The following RPS6KC1 variants were observed in gnomAD, a reference collection of about 807,000 sequenced individuals.
The protein encoded by RPS6KC1 is ribosomal protein S6 kinase C1.
A neutral mutation model predicts 103.8 loss-of-function variants in RPS6KC1; 54 were observed. The observed-to-expected ratio is 0.52, with a 90% confidence interval of 0.42 to 0.65. The LOEUF (loss-of-function observed/expected upper bound fraction) is 0.65, where lower values mean the gene tolerates loss of function less well. RPS6KC1 is among the 30% of genes least tolerant of loss of function. The pLI is 0.00. For missense variants in RPS6KC1, 1,151 were observed against 1,253.8 expected (o/e 0.92, Z 1.24); for synonymous variants, 439 against 438.7 (o/e 1.00, Z -0.01).
the RPS6KC1 span, among the ~76,000 whole-genome samples, chr1:213,838,047 G>A: frequency 7.9e-5 from 12 of 151,906 alleles, no homozygotes; most frequent in African/African-American, 2.9e-4. Context: ...CAAATGACAG[G>A]AACCTCTACT....
At chr1:213,754,272 C>G in the RPS6KC1 span, among the ~76,000 whole-genome samples, 1 of 152,210 alleles carries the variant, frequency 6.6e-6, no homozygotes, top group Non-Finnish European at 1.5e-5. Flanking sequence ...GCAGCAAGAG[C>G]AATCTCACTC....
At chr1:213,861,658 C>T in the RPS6KC1 span, among the ~76,000 whole-genome samples, 107 of 152,320 alleles carry the variant, frequency 7.0e-4, no homozygotes, top group African/African-American at 2.5e-3. Context: ...ACACCACTAT[C>T]GCTTCCTCAG....
chr1:213,330,813 T>C, the RPS6KC1 span, among the ~76,000 whole-genome samples: 1 of 152,216 alleles, frequency 6.6e-6, no homozygotes, highest in African/African-American at 2.4e-5. Context: ...ATGGTTTAAG[T>C]GACTGGCTCT....
chr1:213,075,637 T>C (rs2079269075), intron 2 of RPS6KC1, among the ~76,000 whole-genome samples: 1 of 152,226 alleles, frequency 6.6e-6, no homozygotes, highest in Non-Finnish European at 1.5e-5. Context: ...TTCCTTAGTG[T>C]TCACTTCAGG....
the RPS6KC1 span, among the ~76,000 whole-genome samples, chr1:213,443,201 T>C: frequency 6.6e-6 from 1 of 152,218 alleles, no homozygotes; most frequent in Non-Finnish European, 1.5e-5. Context: ...GCTATGACGA[T>C]GGCAGAGCCA....
the RPS6KC1 span, among the ~76,000 whole-genome samples, chr1:213,581,437 T>C: frequency 6.6e-6 from 1 of 152,092 alleles, no homozygotes; most frequent in African/African-American, 2.4e-5. Flanking sequence ...TGAGACATGA[T>C]GTTTCAGGAG....
the RPS6KC1 span, among the ~76,000 whole-genome samples, chr1:213,344,782 G>T: frequency 6.6e-6 from 1 of 152,070 alleles, no homozygotes; most frequent in South Asian, 2.1e-4. Context: ...TGATCCACCC[G>T]CCTCAGCCTC....
the RPS6KC1 span, among the ~76,000 whole-genome samples, chr1:213,659,963 A>C: frequency 1.3e-5 from 2 of 152,216 alleles, no homozygotes; most frequent in African/African-American, 2.4e-5. Flanking sequence ...GTTGCAAAGG[A>C]GTCAGGGCAT....
the RPS6KC1 span, chr1:213,836,044 A>C: frequency 6.6e-6 from 1 of 151,858 alleles, no homozygotes; most frequent in Non-Finnish European, 1.5e-5. Context: ...TGAGTTGAGA[A>C]CTTGATATAC....
At chr1:213,125,612 T>C (rs1442279837) in intron 5 of RPS6KC1, among the ~76,000 whole-genome samples, 2 of 135,978 alleles carry the variant, frequency 1.5e-5, no homozygotes, top group Non-Finnish European at 3.1e-5. Context: ...TATAAATTTC[T>C]CTTTTTTATC....
At chr1:213,074,390 C>T (rs1439729618) in intron 2 of RPS6KC1, among the ~76,000 whole-genome samples, 2 of 152,022 alleles carry the variant, frequency 1.3e-5, no homozygotes, top group African/African-American at 2.4e-5. Context: ...TTGTTATAGA[C>T]CTATTTTTTC....
chr1:213,070,259 C>T (rs1041083001), intron 1 of RPS6KC1, among the ~76,000 whole-genome samples: 4 of 152,010 alleles, frequency 2.6e-5, no homozygotes, highest in African/African-American at 7.3e-5. Context: ...GCTTTTTATG[C>T]TTCTAATTTG....
At chr1:213,539,870 T>C in the RPS6KC1 span, among the ~76,000 whole-genome samples, 2 of 151,692 alleles carry the variant, frequency 1.3e-5, no homozygotes, top group Non-Finnish European at 2.9e-5. Context: ...ATTTTTTTGG[T>C]TCCCTAGTAC....
intron 3 of RPS6KC1, among the ~76,000 whole-genome samples, chr1:213,090,186 A>G (rs2080832771): frequency 6.6e-6 from 1 of 152,226 alleles, no homozygotes; most frequent in Admixed American, 6.5e-5. Context: ...GAAGATGAAG[A>G]TAATTTTAAG....
At chr1:213,144,314 T>A (rs1474287535) in intron 6 of RPS6KC1, among the ~76,000 whole-genome samples, 1 of 152,094 alleles carries the variant, frequency 6.6e-6, no homozygotes, top group Non-Finnish European at 1.5e-5. Flanking sequence ...CTTGCCTTGT[T>A]GCTCAGGCTG....
chr1:213,436,790 C>A, the RPS6KC1 span, among the ~76,000 whole-genome samples: 1 of 152,048 alleles, frequency 6.6e-6, no homozygotes, highest in Non-Finnish European at 1.5e-5. Flanking sequence ...ACATAATTTT[C>A]AAAATTTCAT....
chr1:213,396,261 C>T, the RPS6KC1 span, among the ~76,000 whole-genome samples: 4,118 of 152,096 alleles, frequency 0.027, 69 homozygotes, highest in Non-Finnish European at 0.04. Flanking sequence ...AGTGATGTTG[C>T]GAGGATTAAA....
the RPS6KC1 span, among the ~76,000 whole-genome samples, chr1:213,421,485 C>T: frequency 6.4e-4 from 98 of 152,278 alleles, no homozygotes; most frequent in Non-Finnish European, 1.4e-3. Context: ...ATGTCTTTTT[C>T]GGTTAGCCAC....
chr1:213,684,565 G>A, the RPS6KC1 span, among the ~76,000 whole-genome samples: 1 of 152,148 alleles, frequency 6.6e-6, no homozygotes, highest in Non-Finnish European at 1.5e-5. Flanking sequence ...ATTTTCCCTT[G>A]AGGAACTGTC....
Sources: gnomAD v4.1 joint callset for allele counts (sites outside exome capture counted in the v4.1 genomes callset) on GRCh38, gnomAD v4.1.1 for gene constraint, MANE v1.5 for transcripts, NCBI Gene and HGNC (gene_info 2026-07-23, HGNC 2026-07-21) for gene names.